The following ARK2C variants were observed in gnomAD, a reference collection of about 807,000 sequenced individuals.
ARK2C encodes E3 ubiquitin-protein ligase ARK2C.
At chr18:46,370,598 C>T in the ARK2C span, among the ~76,000 whole-genome samples, 1 of 152,200 alleles carries the variant, frequency 6.6e-6, no homozygotes, top group Non-Finnish European at 1.5e-5. Context: ...CTATTTGCCA[C>T]CCTTCTCACG....
chr18:46,369,644 G>C, the ARK2C span, among the ~76,000 whole-genome samples: 1 of 152,166 alleles, frequency 6.6e-6, no homozygotes, highest in Non-Finnish European at 1.5e-5. Flanking sequence ...CTTGCTGGAG[G>C]TGGGGGCACT....
the ARK2C span, among the ~76,000 whole-genome samples, chr18:46,397,925 G>T: frequency 6.9e-6 from 1 of 144,142 alleles, no homozygotes; most frequent in African/African-American, 2.6e-5. Context: ...GTGTGTGTGT[G>T]ATGATGCTGG....
chr18:46,336,870 T>C, the ARK2C span: 1 of 985,382 alleles, frequency 1.0e-6, no homozygotes, highest in African/African-American at 1.7e-5. Context: ...GCAAAAAATG[T>C]TAAACATATG....
At chr18:46,417,321 A>G in the ARK2C span, among the ~76,000 whole-genome samples, 2 of 152,080 alleles carry the variant, frequency 1.3e-5, no homozygotes. Context: ...TCAGAGTCAA[A>G]GGCAACATCC....
At chr18:46,400,885 A>T in the ARK2C span, among the ~76,000 whole-genome samples, 1 of 152,152 alleles carries the variant, frequency 6.6e-6, no homozygotes, top group Admixed American at 6.5e-5. Context: ...TCGTGCAGAC[A>T]TTTACCACTT....
At chr18:46,442,273 A>T in the ARK2C span, among the ~76,000 whole-genome samples, 1 of 151,658 alleles carries the variant, frequency 6.6e-6, no homozygotes, top group Non-Finnish European at 1.5e-5. Flanking sequence ...CCTCCCTTCT[A>T]CTTATTTGGG....
At chr18:46,350,120 A>G in the ARK2C span, among the ~76,000 whole-genome samples, 1 of 152,208 alleles carries the variant, frequency 6.6e-6, no homozygotes, top group Non-Finnish European at 1.5e-5. Flanking sequence ...ACAGGCTTAA[A>G]TGTTTCCAGA....
chr18:46,404,611 G>A, the ARK2C span, among the ~76,000 whole-genome samples: 1 of 152,078 alleles, frequency 6.6e-6, no homozygotes, highest in African/African-American at 2.4e-5. Flanking sequence ...AAATTAGCAG[G>A]GCATGGTGGC....
chr18:46,356,657 A>AGCT, the ARK2C span, among the ~76,000 whole-genome samples: 1 of 152,266 alleles, frequency 6.6e-6, no homozygotes, highest in South Asian at 2.1e-4. Context: ...CCACATGTCC[A>AGCT]GCCCCAGACA....
chr18:46,427,655 G>C, the ARK2C span, among the ~76,000 whole-genome samples: 1 of 152,232 alleles, frequency 6.6e-6, no homozygotes, highest in Non-Finnish European at 1.5e-5. Flanking sequence ...GCCCCTTCGA[G>C]CCACGGAGCT....
the ARK2C span, among the ~76,000 whole-genome samples, chr18:46,353,553 G>C: frequency 6.6e-6 from 1 of 152,180 alleles, no homozygotes; most frequent in Admixed American, 6.5e-5. Flanking sequence ...ACTGTCACTG[G>C]TAAGGGATGT....
At chr18:46,338,069 C>T in the ARK2C span, among the ~76,000 whole-genome samples, 1 of 152,140 alleles carries the variant, frequency 6.6e-6, no homozygotes, top group Non-Finnish European at 1.5e-5. Flanking sequence ...AAAAGGGATA[C>T]TGTTCTTAAC....
chr18:46,429,464 T>C, the ARK2C span, among the ~76,000 whole-genome samples: 2 of 152,236 alleles, frequency 1.3e-5, no homozygotes, highest in Non-Finnish European at 2.9e-5. Flanking sequence ...ATTAGATTTC[T>C]ATTTGTCTAT....
chr18:46,440,203 GT>G, the ARK2C span, among the ~76,000 whole-genome samples: 6 of 152,034 alleles, frequency 3.9e-5, no homozygotes, highest in African/African-American at 1.5e-4. Flanking sequence ...ATTACCTGTG[GT>G]TTCGCTTTCC....
the ARK2C span, among the ~76,000 whole-genome samples, chr18:46,414,843 A>G: frequency 6.6e-6 from 1 of 152,152 alleles, no homozygotes; most frequent in Non-Finnish European, 1.5e-5. Context: ...ATTGGGAGCC[A>G]TTTCACCCCT....
the ARK2C span, among the ~76,000 whole-genome samples, chr18:46,428,676 G>T: frequency 6.6e-6 from 1 of 152,190 alleles, no homozygotes; most frequent in Non-Finnish European, 1.5e-5. Flanking sequence ...ACCAGATTTT[G>T]AGGACATAGT....
At chr18:46,431,347 T>C in the ARK2C span, among the ~76,000 whole-genome samples, 1 of 152,214 alleles carries the variant, frequency 6.6e-6, no homozygotes, top group African/African-American at 2.4e-5. Context: ...GTCTAGAATG[T>C]CTGTGTGCCT....
chr18:46,459,853 C>T, the ARK2C span: 1 of 152,734 alleles, frequency 6.5e-6, no homozygotes, highest in East Asian at 1.9e-4. Context: ...ACTCAAGGGA[C>T]TCAGACCCTT....
chr18:46,343,262 T>C, the ARK2C span, among the ~76,000 whole-genome samples: 6 of 152,152 alleles, frequency 3.9e-5, no homozygotes, highest in Admixed American at 3.9e-4. Flanking sequence ...TGGAGGCAGA[T>C]AAGAGAAGGC....
Sources: gnomAD v4.1 joint callset for allele counts (sites outside exome capture counted in the v4.1 genomes callset) on GRCh38, gnomAD v4.1.1 for gene constraint, MANE v1.5 for transcripts, NCBI Gene and HGNC (gene_info 2026-07-23, HGNC 2026-07-21) for gene names.